The following EPHA6 variants were observed in gnomAD, a reference collection of about 807,000 sequenced individuals.
EPHA6 encodes EPH receptor A6.
In EPHA6, 50 loss-of-function variants were observed where a neutral mutation model predicts 112.0. The ratio of observed to expected loss-of-function variants is 0.45; its 90% CI spans 0.36 to 0.56. The LOEUF (loss-of-function observed/expected upper bound fraction) is 0.56, where lower values mean the gene tolerates loss of function less well. Ranked by LOEUF, EPHA6 falls within the 20% of genes least tolerant of loss-of-function variation. The pLI is 0.00. For synonymous variants in EPHA6, 529 were observed against 490.7 expected, an observed-to-expected ratio of 1.08 and a Z score of -1.03; for missense variants, 1,280 against 1,417.4, an observed-to-expected ratio of 0.90 and a Z score of 1.56.
At chr3:96,916,498 A>G (rs761172056) in intron 2 of EPHA6, among the ~76,000 whole-genome samples, 3 of 152,158 alleles carry the variant, frequency 2.0e-5, no homozygotes, top group Non-Finnish European at 4.4e-5. Flanking sequence ...TGGTGCAGAA[A>G]TTATTTTGGT....
chr3:97,456,082 TAAAAG>T (rs1488777461), intron 7 of EPHA6, among the ~76,000 whole-genome samples: 8 of 152,092 alleles, frequency 5.3e-5, no homozygotes, highest in African/African-American at 1.9e-4. Flanking sequence ...GGCTCATATT[TAAAAG>T]AAAAGTAACA....
At chr3:96,986,716 G>T (rs959785668) in intron 2 of EPHA6, among the ~76,000 whole-genome samples, 4 of 152,018 alleles carry the variant, frequency 2.6e-5, no homozygotes, top group Non-Finnish European at 4.4e-5. Context: ...GAGAGTTTTT[G>T]TTCAGCTTGT....
intron 3 of EPHA6, among the ~76,000 whole-genome samples, chr3:97,179,263 A>C (rs1461270658): frequency 6.6e-6 from 1 of 152,062 alleles, no homozygotes; most frequent in Non-Finnish European, 1.5e-5. Flanking sequence ...TTCTGATAGA[A>C]TTCTGAATTC....
chr3:97,387,170 T>C (rs946885953), intron 5 of EPHA6, among the ~76,000 whole-genome samples: 25 of 152,240 alleles, frequency 1.6e-4, no homozygotes, highest in African/African-American at 5.8e-4. Flanking sequence ...GTCTTGACTA[T>C]TAACATTTGG....
chr3:97,747,650 C>T (rs1470279251), intron 17 of EPHA6, 78 bp downstream of exon 17: 3 of 1,298,930 alleles, frequency 2.3e-6, no homozygotes, highest in Non-Finnish European at 3.0e-6. Context: ...TCAAGAACAC[C>T]TTTCCTTAGG....
chr3:97,270,343 G>T (rs2079837725), intron 5 of EPHA6, among the ~76,000 whole-genome samples: 1 of 152,054 alleles, frequency 6.6e-6, no homozygotes, highest in African/African-American at 2.4e-5. Context: ...CTCCTTCAGG[G>T]TATTGCTTTC....
chr3:96,825,570 T>A (rs183264043), intron 1 of EPHA6, among the ~76,000 whole-genome samples: 22 of 152,012 alleles, frequency 1.4e-4, no homozygotes. Context: ...ATTGCAGAAC[T>A]TTGGAATTGC....
chr3:97,518,093 T>C (rs1407193187), intron 10 of EPHA6, among the ~76,000 whole-genome samples: 1 of 152,146 alleles, frequency 6.6e-6, no homozygotes, highest in Non-Finnish European at 1.5e-5. Context: ...GATTTCTCTT[T>C]CTTTGGGTAT....
chr3:96,826,371 T>C (rs1307811575), intron 1 of EPHA6, among the ~76,000 whole-genome samples: 1 of 152,060 alleles, frequency 6.6e-6, no homozygotes, highest in East Asian at 1.9e-4. Flanking sequence ...AATGCATCTC[T>C]AGCTTGGGTG....
chr3:97,647,227 A>G (rs1486604886), intron 14 of EPHA6, among the ~76,000 whole-genome samples: 1 of 152,128 alleles, frequency 6.6e-6, no homozygotes, highest in Non-Finnish European at 1.5e-5. Context: ...CCAACCAAAA[A>G]CAAAGGGATT....
Position 96,920,058 on chromosome 3 carries a change from C to T in EPHA6, c.450+53169C>T, listed in dbSNP as rs1031174520. Among the ~76,000 whole-genome samples the T allele has an allele frequency of 8.6e-5, 13 of 151,966 alleles. No individual in the cohort carries two copies. In the Middle Eastern group the frequency reaches 0.01, roughly 119 times the overall value. On this transcript the variant is annotated intron_variant, in intron 2 of 17. Coordinates refer to ENST00000389672, the MANE Select transcript of EPHA6 (RefSeq NM_001080448.3). Reference sequence around the variant, plus strand: ...GATTTCTTAAAGACTACTGAAAATACTTGCATTACAAATCATGTTAGGGAG... The same window carrying T: ...GATTTCTTAAAGACTACTGAAAATATTTGCATTACAAATCATGTTAGGGAG...
chr3:97,428,886 C>A (rs2089326151), intron 6 of EPHA6, among the ~76,000 whole-genome samples: 1 of 152,150 alleles, frequency 6.6e-6, no homozygotes, highest in Non-Finnish European at 1.5e-5. Context: ...GCTTGCAGTG[C>A]CATCAGAGAC....
chr3:97,425,550 GCCAT>G, intron 6 of EPHA6, among the ~76,000 whole-genome samples: 1 of 152,298 alleles, frequency 6.6e-6, no homozygotes, highest in Admixed American at 6.5e-5. Context: ...CCTGGGCCCA[GCCAT>G]GAAAACATTC....
At chr3:97,078,022 T>G (rs973210666) in intron 3 of EPHA6, among the ~76,000 whole-genome samples, 1 of 152,174 alleles carries the variant, frequency 6.6e-6, no homozygotes, top group Non-Finnish European at 1.5e-5. Flanking sequence ...AGTGTAATAG[T>G]GTTCCTATTT....
At chr3:97,022,051 A>T (rs1405646728) in intron 3 of EPHA6, among the ~76,000 whole-genome samples, 2 of 152,192 alleles carry the variant, frequency 1.3e-5, no homozygotes, top group African/African-American at 4.8e-5. Flanking sequence ...GACACATATA[A>T]TGAAGCATTG....
chr3:97,725,347 A>G (rs1008075989), intron 15 of EPHA6, among the ~76,000 whole-genome samples: 2 of 152,130 alleles, frequency 1.3e-5, no homozygotes, highest in Non-Finnish European at 2.9e-5. Context: ...GGAAATGGAC[A>G]CTATGATTGA....
intron 11 of EPHA6, chr3:97,590,403 G>C (rs1201718417): frequency 6.6e-6 from 1 of 152,134 alleles, no homozygotes; most frequent in Admixed American, 6.6e-5. Context: ...ATAGCAATAA[G>C]ATAATATTTG....
chr3:97,131,034 C>A (rs1288228734), intron 3 of EPHA6, among the ~76,000 whole-genome samples: 1 of 151,976 alleles, frequency 6.6e-6, no homozygotes, highest in Non-Finnish European at 1.5e-5. Flanking sequence ...ATCAATAGCA[C>A]AGTTGATTTA....
chr3:96,925,400 C>T (rs991466235), intron 2 of EPHA6, among the ~76,000 whole-genome samples: 1 of 152,028 alleles, frequency 6.6e-6, no homozygotes, highest in Non-Finnish European at 1.5e-5. Flanking sequence ...AGAATTTATC[C>T]ATTTCTTCTA....
Sources: gnomAD v4.1 joint callset for allele counts (sites outside exome capture counted in the v4.1 genomes callset) on GRCh38, gnomAD v4.1.1 for gene constraint, MANE v1.5 for transcripts, NCBI Gene and HGNC (gene_info 2026-07-23, HGNC 2026-07-21) for gene names.